SLC6A20: variants seen among roughly 807,000 people sequenced by gnomAD.
The protein encoded by SLC6A20 is sodium- and chloride-dependent transporter XTRP3.
SLC6A20 carries 73 observed loss-of-function variants against 64.3 expected under a neutral mutation model. That is an observed-to-expected ratio of 1.14 (90% CI 0.94 to 1.38). SLC6A20 has a LOEUF of 1.38. SLC6A20 is among the 40% of genes most tolerant of loss of function. The pLI is 0.00. For synonymous variants in SLC6A20, 347 were observed against 329.6 expected (o/e 1.05, Z -0.57); for missense variants, 725 against 772.8 (o/e 0.94, Z 0.73).
Position 45,763,898 on chromosome 3 carries a change from A to C in SLC6A20, c.1304-826T>G, listed in dbSNP as rs1341885293. On this transcript the variant is annotated intron_variant, in intron 8 of 10. Coordinates refer to ENST00000358525, the MANE Select transcript of SLC6A20 (RefSeq NM_020208.4). ...TCCTGCTATCCCGACGGGGACACAC[A>C]AGGAGAAAGGGGCCATGCGCTGGCT... 3.3e-5 allele frequency among the ~76,000 whole-genome samples: 5 copies of C among 152,086 alleles called. No homozygotes were observed. The South Asian group carries it at 1.0e-3, about 32-fold the overall frequency.
rs762147353 is a variant in SLC6A20 at position 45,771,211 on chromosome 3, G to A, written c.935+6C>T. ...CCTGGGACTCGGTGGGACAGCCCAG[G>A]CTTACTTCTTCAAGCAGTTTTCATA... On this transcript the variant is annotated splice_donor_region_variant and intron_variant, in intron 6 of 10. Coordinates refer to ENST00000358525, the MANE Select transcript of SLC6A20 (RefSeq NM_020208.4). 9 of 1,613,968 alleles carry A rather than the reference G, an allele frequency of 5.6e-6. No homozygotes were observed. The South Asian group carries it at 9.9e-5, about 18-fold the overall frequency.
chr3:45,775,174 A>G (rs1699942660), intron 4 of SLC6A20, among the ~76,000 whole-genome samples: 3 of 152,148 alleles, frequency 2.0e-5, no homozygotes, highest in Non-Finnish European at 4.4e-5. Context: ...ATGGAGATCA[A>G]GCCCGACAGC....
In SLC6A20 at chr3:45,758,759, C is replaced by T; in HGVS notation, c.*219G>A. 7.6e-7 allele frequency: 1 copy of T among 1,323,594 alleles called. No individual in the cohort carries two copies. Among genetic ancestry groups the T allele is most frequent in the Non-Finnish European group, 9.6e-7 (1 of 1,038,000 alleles). The allele number at this position is 1,323,594 out of a possible 1,614,324, so 82.0% of individuals were successfully genotyped here. ...ACCGGCTTTCATAGCCCACCCCCTT[C>T]CATGATGAGGAGGCAGGTGACAGGG... On this transcript the variant is annotated 3_prime_UTR_variant, in exon 11 of 11. Coordinates refer to ENST00000358525, the MANE Select transcript of SLC6A20 (RefSeq NM_020208.4).
intron 1 of SLC6A20, among the ~76,000 whole-genome samples, chr3:45,782,843 C>T (rs1700120399): frequency 6.6e-6 from 1 of 152,220 alleles, no homozygotes; most frequent in Admixed American, 6.5e-5. Flanking sequence ...AGGCAAACTG[C>T]CACTGTCCCA....
In SLC6A20 at chr3:45,755,502, A is replaced by C. The variant is rs1402746512; in HGVS notation, c.*3476T>G. On this transcript the variant is annotated 3_prime_UTR_variant, in exon 11 of 11. Coordinates refer to ENST00000358525, the MANE Select transcript of SLC6A20 (RefSeq NM_020208.4). ...TACTATGACAATTGCTAAAAAACAAATATTTCCCTACTCAATTTCTTGGAG... is the reference window on the plus strand; with the variant it reads ...TACTATGACAATTGCTAAAAAACAACTATTTCCCTACTCAATTTCTTGGAG... The C allele has an allele frequency of 6.6e-6, 1 of 152,488 alleles. No homozygotes were observed. Among genetic ancestry groups the C allele is most frequent in the Non-Finnish European group, 1.5e-5 (1 of 68,046 alleles). 9.4% of individuals were successfully genotyped at this position (152,488 alleles called of 1,614,324 possible). A position where few individuals can be genotyped will look rare whatever the true frequency, so the allele number is the denominator to read the frequency against.
intron 5 of SLC6A20, chr3:45,772,179 G>C (rs1699883054): frequency 3.6e-6 from 1 of 277,980 alleles, no homozygotes; most frequent in Non-Finnish European, 6.8e-6. Context: ...TGGTGCTCAT[G>C]GCAAAAAGCT....
At chr3:45,793,866 C>T (rs1700298380) in intron 1 of SLC6A20, among the ~76,000 whole-genome samples, 1 of 152,212 alleles carries the variant, frequency 6.6e-6, no homozygotes, top group African/African-American at 2.4e-5. Flanking sequence ...CAAATCACTT[C>T]TTAAAGGTGA....
At chr3:45,785,613 T>C (rs201711796) in intron 1 of SLC6A20, among the ~76,000 whole-genome samples, 12 of 141,102 alleles carry the variant, frequency 8.5e-5, no homozygotes, top group South Asian at 7.5e-4. Context: ...AAACTCCCCT[T>C]TCTCTCTCTC....
chr3:45,763,243 G>T lies in SLC6A20; in HGVS notation c.1304-171C>A, dbSNP rs191196891. ...TGGACTCTCTGAAGGTGTGTGCCAC[G>T]TGTGTGGGGCAGGGGGCACAATGGT... On this transcript the variant is annotated intron_variant, in intron 8 of 10. Transcript: ENST00000358525. Among the ~76,000 whole-genome samples the T allele has an allele frequency of 2.6e-5, 4 of 152,324 alleles. No individual in the cohort carries two copies. In the East Asian group the frequency reaches 7.7e-4, roughly 29 times the overall value.
rs1330739917 is a variant in SLC6A20 at position 45,796,432 on chromosome 3, G to C, written c.-13C>G. On this transcript the variant is annotated 5_prime_UTR_variant, in exon 1 of 11. Transcript: ENST00000358525. ...GCGCTTTCTCCATGGCCCCGGCCTC[G>C]GCGCGCTCGGCTCCGGCTCGGGGGT... The C allele has an allele frequency of 1.2e-6, 2 of 1,607,056 alleles. No individual in the cohort carries two copies. Among genetic ancestry groups the C allele is most frequent in the Non-Finnish European group, 1.7e-6 (2 of 1,177,034 alleles).
chr3:45,777,467 C>A (rs757510221), intron 3 of SLC6A20, among the ~76,000 whole-genome samples: 1 of 152,228 alleles, frequency 6.6e-6, no homozygotes, highest in Non-Finnish European at 1.5e-5. Context: ...TCTCTTGCCT[C>A]AGCCTGTGAG....
In SLC6A20 at chr3:45,756,785, T is replaced by G. The variant is rs1191014210; in HGVS notation, c.*2193A>C. ...TTTATTGCAGTTAAAAAAAGAAAAA[T>G]TTTTTTGAGAAAAGAAATAAGACAC... is the stretch of plus-strand genomic sequence containing the variant. On this transcript the variant is annotated 3_prime_UTR_variant, in exon 11 of 11. Transcript: ENST00000358525. The G allele has an allele frequency of 6.6e-6, 1 of 151,968 alleles. No homozygotes were observed. Among genetic ancestry groups the G allele is most frequent in the Non-Finnish European group, 1.5e-5 (1 of 67,986 alleles). The allele number at this position is 151,968 out of a possible 1,614,324, so 9.4% of individuals were successfully genotyped here.
At chr3:45,769,473 TA>T (rs57481801) in intron 7 of SLC6A20, among the ~76,000 whole-genome samples, 114 of 145,278 alleles carry the variant, frequency 7.8e-4, no homozygotes, top group African/African-American at 2.1e-3. Flanking sequence ...TAGCAAAAAT[TA>T]AAAAAAAAAC....
At chr3:45,776,060 G>A (rs966272312) in intron 3 of SLC6A20, 72 bp from the exon 4 acceptor site, 65 of 1,460,052 alleles carry the variant, frequency 4.5e-5, no homozygotes, top group Non-Finnish European at 5.9e-5. Context: ...GGGTGAGGGA[G>A]GTGGCCCTGA....
intron 3 of SLC6A20, among the ~76,000 whole-genome samples, chr3:45,779,054 G>A (rs1293506090): frequency 6.6e-6 from 1 of 152,222 alleles, no homozygotes; most frequent in Non-Finnish European, 1.5e-5. Flanking sequence ...GCACCCCAGA[G>A]GCAAACCCAG....
chr3:45,763,105 C>G, intron 8 of SLC6A20, 33 bp from the exon 9 acceptor site: 1 of 1,611,524 alleles, frequency 6.2e-7, no homozygotes, highest in Non-Finnish European at 8.5e-7. Flanking sequence ...CTCACCTGCC[C>G]GAGACCCCCC....
At chr3:45,796,172 C>T in intron 1 of SLC6A20, 127 bp downstream of exon 1, 1 of 1,477,636 alleles carries the variant, frequency 6.8e-7, no homozygotes, top group Non-Finnish European at 9.0e-7. Context: ...TCTGTAACTT[C>T]GGACAAATCA....
In SLC6A20 at chr3:45,775,849, C is replaced by A. The variant is rs369572338; in HGVS notation, c.494G>T (p.Gly165Val). 1 of 1,614,184 alleles carries A rather than the reference C, an allele frequency of 6.2e-7. No individual in the cohort carries two copies. Among genetic ancestry groups the A allele is most frequent in the Non-Finnish European group, 8.5e-7 (1 of 1,180,042 alleles). Residue 165 changes from glycine (G) to valine (V), a missense_variant, in exon 4 of 11, where the codon GGT (glycine) becomes GTT (valine). By Grantham distance (109) the Gly-to-Val change is moderately radical. Coordinates refer to ENST00000358525, the MANE Select transcript of SLC6A20 (RefSeq NM_020208.4). ...GCACAGCGCCGGCTCCCACTGCACA[C>A]CCCCGTTCTCCTGGAGGGACGGCGA... ...NISPSLQENG[G>V]VQWEPALCLL...
chr3:45,763,360 C>G (rs981621111), intron 8 of SLC6A20, among the ~76,000 whole-genome samples: 1 of 152,158 alleles, frequency 6.6e-6, no homozygotes, highest in African/African-American at 2.4e-5. Context: ...AACAAGCAGA[C>G]GTAGTGGGCA....
Sources: gnomAD v4.1 joint callset for allele counts (sites outside exome capture counted in the v4.1 genomes callset) on GRCh38, gnomAD v4.1.1 for gene constraint, MANE v1.5 for transcripts, NCBI Gene and HGNC (gene_info 2026-07-23, HGNC 2026-07-21) for gene names.